PCDH11X: variants seen among roughly 807,000 people sequenced by gnomAD.
PCDH11X encodes protocadherin 11 X-linked.
A neutral mutation model predicts 53.3 loss-of-function variants in PCDH11X; 18 were observed. That is an observed-to-expected ratio of 0.34 (90% confidence interval 0.23 to 0.50). PCDH11X has a LOEUF of 0.50. PCDH11X is among the 20% of genes least tolerant of loss of function. The pLI, the probability that PCDH11X is intolerant of heterozygous loss-of-function variation, is 0.98. For synonymous variants in PCDH11X, 279 were observed against 393.3 expected, an observed-to-expected ratio of 0.71 and a Z score of 3.44; for missense variants, 570 against 1,032.4, an observed-to-expected ratio of 0.55 and a Z score of 6.14.
At chrX:92,399,380 G>A (rs1219890511) in intron 9 of PCDH11X, among the ~76,000 whole-genome samples, 1 of 109,926 alleles carries the variant, frequency 9.1e-6, no homozygotes, top group Non-Finnish European at 1.9e-5. Context: ...GCTACACTTT[G>A]GGTAGCAAAG....
At chrX:92,189,344 A>C (rs2066152740) in intron 6 of PCDH11X, among the ~76,000 whole-genome samples, 1 of 111,702 alleles carries the variant, frequency 9.0e-6, no homozygotes, top group South Asian at 3.7e-4. Flanking sequence ...TTTGGTGAGG[A>C]TAACGGCTTG....
chrX:92,461,062 T>C (rs1252434950), intron 9 of PCDH11X: 1 of 448,100 alleles, frequency 2.2e-6, no homozygotes, highest in East Asian at 3.8e-5. Context: ...ATGAAAGAAA[T>C]TGAGGCAGAT....
intron 6 of PCDH11X, among the ~76,000 whole-genome samples, chrX:92,108,958 A>G (rs1453728156): frequency 1.8e-5 from 2 of 111,991 alleles, no homozygotes; most frequent in Non-Finnish European, 3.8e-5. Flanking sequence ...GAGACGATTT[A>G]TTAAGACCAG....
At chrX:92,220,527 A>G (rs2066845536) in intron 7 of PCDH11X, among the ~76,000 whole-genome samples, 1 of 110,172 alleles carries the variant, frequency 9.1e-6, no homozygotes, top group African/African-American at 3.3e-5. Context: ...TAGAAGGGCA[A>G]TCATTAAAAA....
At chrX:92,447,423 C>T (rs1422574313) in intron 9 of PCDH11X, among the ~76,000 whole-genome samples, 2 of 111,157 alleles carry the variant, frequency 1.8e-5, no homozygotes, top group Non-Finnish European at 3.8e-5. Context: ...CCCAGCCACT[C>T]CAGCCACAAA....
Position 91,975,644 on chromosome X carries a change from T to A in PCDH11X, c.3033+96371T>A, listed in dbSNP as rs758932301. On this transcript the variant is annotated intron_variant, in intron 6 of 10. Coordinates refer to ENST00000682573, the MANE Select transcript of PCDH11X (RefSeq NM_032968.5). ...GAAACTAGTCAAGGGGACTCAGGAATGGCTGTAAAAGTAAGAGGAAAACCT... is the reference window on the plus strand; with the variant it reads ...GAAACTAGTCAAGGGGACTCAGGAAAGGCTGTAAAAGTAAGAGGAAAACCT... 3.6e-5 allele frequency among the ~76,000 whole-genome samples: 4 copies of A among 110,703 alleles called. No homozygotes were observed. In the East Asian group the frequency reaches 8.6e-4, roughly 24 times the overall value.
intron 6 of PCDH11X, among the ~76,000 whole-genome samples, chrX:91,940,784 C>T (rs2061499740): frequency 9.4e-6 from 1 of 106,596 alleles, no homozygotes; most frequent in Non-Finnish European, 1.9e-5. Flanking sequence ...ACTCTTGCCT[C>T]AGCCTCCCAA....
At chrX:91,970,455 A>G (rs1237410421) in intron 6 of PCDH11X, among the ~76,000 whole-genome samples, 2 of 111,019 alleles carry the variant, frequency 1.8e-5, no homozygotes, top group South Asian at 3.8e-4. Context: ...CAAGTCCCCT[A>G]CCCGATTAGT....
At chrX:92,105,371 A>G (rs1283062356) in intron 6 of PCDH11X, among the ~76,000 whole-genome samples, 1 of 110,252 alleles carries the variant, frequency 9.1e-6, no homozygotes, top group Non-Finnish European at 1.9e-5. Flanking sequence ...TACGGAGCAA[A>G]AAGCAGGAGG....
chrX:92,279,499 C>A (rs745475151), intron 8 of PCDH11X, among the ~76,000 whole-genome samples: 1 of 112,011 alleles, frequency 8.9e-6, no homozygotes, highest in Non-Finnish European at 1.9e-5. Context: ...CGATCTGTTT[C>A]GTATTTTGTA....
chrX:91,888,103 CA>C (rs758513074), intron 6 of PCDH11X, among the ~76,000 whole-genome samples: 3 of 111,735 alleles, frequency 2.7e-5, no homozygotes, highest in Non-Finnish European at 5.6e-5. Flanking sequence ...TAGTTAATTA[CA>C]TTTAATTATC....
chrX:91,955,795 G>A (rs747286983), intron 6 of PCDH11X, among the ~76,000 whole-genome samples: 6 of 111,698 alleles, frequency 5.4e-5, no homozygotes, highest in African/African-American at 2.0e-4. Flanking sequence ...CCAGAGCTGA[G>A]CTCAGGTCCT....
chrX:92,593,645 G>C (rs1290834510), intron 10 of PCDH11X, among the ~76,000 whole-genome samples: 1 of 111,693 alleles, frequency 9.0e-6, no homozygotes, highest in African/African-American at 3.3e-5. Flanking sequence ...GTTTGTGAAG[G>C]ATTGATCTTG....
chrX:92,215,725 G>A (rs938407803), intron 7 of PCDH11X, among the ~76,000 whole-genome samples: 6 of 104,281 alleles, frequency 5.8e-5, no homozygotes, highest in Admixed American at 5.3e-4. Context: ...TGCAGCTGGA[G>A]ATCTGAGAAT....
At chrX:92,048,982 A>G (rs2063330857) in intron 6 of PCDH11X, among the ~76,000 whole-genome samples, 2 of 112,053 alleles carry the variant, frequency 1.8e-5, no homozygotes, top group South Asian at 7.5e-4. Context: ...CTGGTTGACA[A>G]TTGGTTGAGT....
intron 10 of PCDH11X, among the ~76,000 whole-genome samples, chrX:92,610,365 TTA>T (rs1311813573): frequency 1.8e-5 from 2 of 110,266 alleles, no homozygotes; most frequent in East Asian, 2.9e-4. Context: ...GGAATTTTTT[TTA>T]TATGTTTGTT....
At chrX:91,834,794 T>G (rs1937235370) in intron 4 of PCDH11X, 1 of 113,354 alleles carries the variant, frequency 8.8e-6, no homozygotes, top group South Asian at 3.8e-4. Flanking sequence ...TAATAGCTAT[T>G]CTTGTTTTTC....
At chrX:92,018,575 A>G (rs1295458143) in intron 6 of PCDH11X, among the ~76,000 whole-genome samples, 2 of 112,322 alleles carry the variant, frequency 1.8e-5, no homozygotes, top group Non-Finnish European at 3.8e-5. Context: ...CTGGAAATTA[A>G]TGGCATTTGT....
At position 92,608,792 on chromosome X, in the gene PCDH11X, A is replaced by G. The variant is rs757977772; in HGVS notation, c.3368-9472A>G. On this transcript the variant is annotated intron_variant, in intron 10 of 10. Transcript: ENST00000682573. ...GTACAATAAAATTCACTCATGTTCT[A>G]TAGTTCTACCAGTTTTGACAAATGC... Among the ~76,000 whole-genome samples the G allele has an allele frequency of 9.0e-5, 10 of 111,229 alleles. No individual in the cohort carries two copies. In the East Asian group the frequency reaches 2.5e-3, roughly 28 times the overall value.
Sources: allele counts gnomAD v4.1 joint callset (sites outside exome capture counted in the v4.1 genomes callset), GRCh38; gene constraint gnomAD v4.1.1; transcripts MANE v1.5; gene names NCBI Gene and HGNC (gene_info 2026-07-23, HGNC 2026-07-21).